Variants in RUVBL1 observed in about 807,000 individuals in gnomAD.
RUVBL1 encodes ruvB-like 1.
In RUVBL1, 4 loss-of-function variants were observed where a neutral mutation model predicts 52.4. The observed-to-expected ratio is 0.08, with a 90% CI of 0.04 to 0.17. The LOEUF (loss-of-function observed/expected upper bound fraction) is 0.17, where lower values mean the gene tolerates loss of function less well. Among genes scored for constraint, RUVBL1 ranks in the 10% least tolerant of loss-of-function variants. The pLI is 1.00. For synonymous variants in RUVBL1, 217 were observed against 214.4 expected (o/e 1.01, Z -0.10); for missense variants, 298 against 572.8 (o/e 0.52, Z 4.90).
chr3:128,113,652 T>C (rs1235386404), intron 2 of RUVBL1, among the ~76,000 whole-genome samples: 1 of 152,256 alleles, frequency 6.6e-6, no homozygotes, highest in Non-Finnish European at 1.5e-5. Flanking sequence ...TTTGTTATTG[T>C]ATTTTTATTT....
upstream of RUVBL1, among the ~76,000 whole-genome samples, chr3:128,128,048 A>ATACG (rs1217172313): frequency 6.6e-6 from 1 of 151,828 alleles, no homozygotes; most frequent in African/African-American, 2.4e-5. Flanking sequence ...ACATACATAC[A>ATACG]TACATAAATA....
At chr3:128,139,125 T>C (rs1394888459) in intron 1 of RUVBL1, among the ~76,000 whole-genome samples, 2 of 152,152 alleles carry the variant, frequency 1.3e-5, no homozygotes, top group African/African-American at 2.4e-5. Flanking sequence ...CTCCAGGACA[T>C]CCTTCTGGGC....
chr3:128,067,912 C>T lies in RUVBL1; in HGVS notation c.940-2692G>A, dbSNP rs2107652338. ...CTCGAAGAGGCGATCTGTAACTGTT[C>T]AGTACCACTTGGAATGCCTATTTCC... On this transcript the variant is annotated intron_variant, in intron 9 of 9. Transcript: ENST00000464873. The surrounding 1 kb of genome is among the most constrained non-coding windows in gnomAD (Gnocchi z 4.1). The T allele has an allele frequency of 8.3e-7, 1 of 1,203,452 alleles. No homozygotes were observed. The highest frequency in any genetic ancestry group is 1.2e-5 in the South Asian group (1 of 82,638). 74.5% of individuals were successfully genotyped at this position (1,203,452 alleles called of 1,614,324 possible).
chr3:128,150,873 T>TA lies in RUVBL1; in HGVS notation c.-40+2329dup, dbSNP rs1559841556. On this transcript the variant is annotated intron_variant, in intron 1 of 9. Transcript: ENST00000464873. ...TTCTATATATTATATATTATATATA[T>TA]ATATTCTATATATATATTCTATATA... Among the ~76,000 whole-genome samples the TA allele has an allele frequency of 5.7e-4, 44 of 76,650 alleles. 1 individual carries two copies. Among genetic ancestry groups the TA allele is most frequent in the African/African-American group, 2.5e-3 (41 of 16,520 alleles). The allele number at this position is 76,650 out of a possible 152,430, so 50.3% of individuals were successfully genotyped here.
At chr3:128,148,539 G>T (rs1384427658) in intron 1 of RUVBL1, among the ~76,000 whole-genome samples, 2 of 152,124 alleles carry the variant, frequency 1.3e-5, no homozygotes, top group Admixed American at 1.3e-4. Context: ...CTGCAGTTAG[G>T]AGGGGGAGGC....
chr3:128,085,818 A>T (rs1942628802), intron 9 of RUVBL1, among the ~76,000 whole-genome samples: 1 of 152,188 alleles, frequency 6.6e-6, no homozygotes, highest in Admixed American at 6.5e-5. Flanking sequence ...CTGCCAGAGG[A>T]AAGCCACCTC....
intron 1 of RUVBL1, among the ~76,000 whole-genome samples, chr3:128,144,628 C>T (rs1944076483): frequency 6.6e-6 from 1 of 152,200 alleles, no homozygotes; most frequent in Non-Finnish European, 1.5e-5. Flanking sequence ...AGGCCCAGGG[C>T]TATCAAAGAT....
chr3:128,140,160 A>T (rs536676520), intron 1 of RUVBL1, among the ~76,000 whole-genome samples: 1 of 150,764 alleles, frequency 6.6e-6, no homozygotes, highest in African/African-American at 2.4e-5. Flanking sequence ...TGTACCTACT[A>T]TGTACCCATA....
At chr3:128,153,666 C>T in exon 1 of RUVBL1, 1 of 1,597,462 alleles carries the variant, frequency 6.3e-7, no homozygotes, top group African/African-American at 1.4e-5. Context: ...ATCTGGGCTT[C>T]TCGTGCTTCT....
At chr3:128,146,941 G>T (rs191695291) in intron 1 of RUVBL1, among the ~76,000 whole-genome samples, 1 of 152,246 alleles carries the variant, frequency 6.6e-6, no homozygotes, top group African/African-American at 2.4e-5. Context: ...GGAGATAAAG[G>T]CTCACTCCAG....
At chr3:128,136,478 T>C (rs1943948764) in intron 1 of RUVBL1, among the ~76,000 whole-genome samples, 1 of 151,790 alleles carries the variant, frequency 6.6e-6, no homozygotes, top group South Asian at 2.1e-4. Context: ...ATACAAAAAT[T>C]TGCCGGGCAT....
chr3:128,073,024 C>T (rs971824769), intron 9 of RUVBL1, among the ~76,000 whole-genome samples: 29 of 152,124 alleles, frequency 1.9e-4, no homozygotes, highest in African/African-American at 6.8e-4. Flanking sequence ...GAAACAAGTC[C>T]GTCCATTTTA....
intron 2 of RUVBL1, among the ~76,000 whole-genome samples, chr3:128,117,159 T>C (rs1228225112): frequency 6.6e-6 from 1 of 152,178 alleles, no homozygotes; most frequent in African/African-American, 2.4e-5. Context: ...TTCAATAGAT[T>C]GGATTAATCA....
At position 128,118,872 on chromosome 3, in the gene RUVBL1, T is replaced by C. The variant is rs142176869; in HGVS notation, c.228+456A>G. On this transcript the variant is annotated intron_variant, in intron 2 of 10. Transcript: ENST00000322623. Reference sequence around the variant, plus strand: ...TGCCCTGGAGAGACTGTAAGCCCCTTGAAGATAAAAATCATGTCTCTAATT... The same window carrying C: ...TGCCCTGGAGAGACTGTAAGCCCCTCGAAGATAAAAATCATGTCTCTAATT... Among the ~76,000 whole-genome samples, 13 of 152,320 alleles carry C rather than the reference T, an allele frequency of 8.5e-5. No homozygotes were observed. In the East Asian group the frequency reaches 2.5e-3, roughly 29 times the overall value.
chr3:128,116,291 A>G (rs1012702063), intron 2 of RUVBL1, among the ~76,000 whole-genome samples: 12 of 152,222 alleles, frequency 7.9e-5, no homozygotes, highest in South Asian at 2.1e-4. Context: ...CTGTAATCCC[A>G]GCACTTTGGG....
At chr3:128,153,197 A>C in intron 1 of RUVBL1, 1 of 1,289,066 alleles carries the variant, frequency 7.8e-7, no homozygotes, top group Non-Finnish European at 9.8e-7. Context: ...CCAAGTCTCC[A>C]CTCACCCAGA....
intron 4 of RUVBL1, among the ~76,000 whole-genome samples, chr3:128,103,787 C>T (rs924117018): frequency 6.6e-6 from 1 of 152,148 alleles, no homozygotes; most frequent in Non-Finnish European, 1.5e-5. Flanking sequence ...CATACACACA[C>T]GCAAACATAT....
rs1345251483 is a variant in RUVBL1, at chr3:128,150,922, A to ATTC, written c.-40+2280_-40+2281insGAA. Reference sequence around the variant, plus strand: ...TATATAATATAATATTCTATATTATATATATAATATATTCTATATATTATA... The same window carrying ATTC: ...TATATAATATAATATTCTATATTATATTCTATATAATATATTCTATATATTATA... On this transcript the variant is annotated intron_variant, in intron 1 of 9. Transcript: ENST00000464873. Among the ~76,000 whole-genome samples the ATTC allele has an allele frequency of 1.2e-3, 106 of 91,948 alleles. 2 individuals carry two copies. The highest frequency in any genetic ancestry group is 4.5e-3 in the African/African-American group (100 of 22,332). The allele number at this position is 91,948 out of a possible 152,430, so 60.3% of individuals were successfully genotyped here.
chr3:128,119,322 G>A lies in RUVBL1; in HGVS notation c.228+6C>T. ...GTAGATTTAAAAAATGAGAGAAAATGAGTACCTTGCCAGTTCCAGGAGGTC... is the reference window on the plus strand; with the variant it reads ...GTAGATTTAAAAAATGAGAGAAAATAAGTACCTTGCCAGTTCCAGGAGGTC... On this transcript the variant is annotated splice_donor_region_variant and intron_variant, in intron 2 of 10. Transcript: ENST00000322623. 1.2e-6 allele frequency: 2 copies of A among 1,611,356 alleles called. No homozygotes were observed. The highest frequency in any genetic ancestry group is 1.7e-6 in the Non-Finnish European group (2 of 1,178,084).
Sources: gnomAD v4.1 joint callset for allele counts (sites outside exome capture counted in the v4.1 genomes callset) on GRCh38, gnomAD v4.1.1 for gene constraint, Gnocchi (gnomAD v3.1) non-coding constraint, MANE v1.5 for transcripts, NCBI Gene and HGNC (gene_info 2026-07-23, HGNC 2026-07-21) for gene names.